The following PCDH15 variants were observed in gnomAD, a reference collection of about 807,000 sequenced individuals.
PCDH15 encodes protocadherin-15.
In PCDH15, 129 loss-of-function variants were observed where a neutral mutation model predicts 178.5. The ratio of observed to expected loss-of-function variants is 0.72; its 90% CI spans 0.63 to 0.84. The LOEUF (loss-of-function observed/expected upper bound fraction) is 0.84, where lower values mean the gene tolerates loss of function less well. PCDH15 is among the 40% of genes least tolerant of loss of function. PCDH15 has a pLI of 0.00. For synonymous variants in PCDH15, 800 were observed against 732.0 expected (o/e 1.09, Z -1.50); for missense variants, 2,230 against 2,099.9 (o/e 1.06, Z -1.21).
chr10:54,616,727 G>C (rs905603581), intron 2 of PCDH15, among the ~76,000 whole-genome samples: 1 of 152,038 alleles, frequency 6.6e-6, no homozygotes, highest in Non-Finnish European at 1.5e-5. Flanking sequence ...TGAGTACCTC[G>C]GAACTGGAAC....
chr10:54,130,675 C>T (rs2042363756), intron 15 of PCDH15, among the ~76,000 whole-genome samples: 1 of 151,924 alleles, frequency 6.6e-6, no homozygotes, highest in Non-Finnish European at 1.5e-5. Flanking sequence ...ACTTTGATCT[C>T]CATCAAAACA....
At chr10:54,740,686 A>T (rs1944678224) in intron 1 of PCDH15, among the ~76,000 whole-genome samples, 2 of 152,016 alleles carry the variant, frequency 1.3e-5, no homozygotes, top group Admixed American at 1.3e-4. Flanking sequence ...GCGTATTAAT[A>T]CATTAAAAAG....
At chr10:54,914,541 T>A (rs900411859) in intron 2 of PCDH15, among the ~76,000 whole-genome samples, 7 of 152,154 alleles carry the variant, frequency 4.6e-5, no homozygotes, top group African/African-American at 1.7e-4. Context: ...TGGTTTTCCA[T>A]GGAAACTCAA....
intron 23 of PCDH15, among the ~76,000 whole-genome samples, chr10:53,948,745 A>G: frequency 6.6e-6 from 1 of 152,198 alleles, no homozygotes; most frequent in South Asian, 2.1e-4. Flanking sequence ...GTTTAACACC[A>G]TTCAATGTCT....
At chr10:54,649,148 C>T (rs1170812439) in intron 2 of PCDH15, among the ~76,000 whole-genome samples, 5 of 152,016 alleles carry the variant, frequency 3.3e-5, no homozygotes, top group Non-Finnish European at 5.9e-5. Flanking sequence ...GATCCACTAG[C>T]GTTATAAACA....
chr10:55,192,856 A>C (rs968534501), intron 1 of PCDH15, among the ~76,000 whole-genome samples: 1 of 151,472 alleles, frequency 6.6e-6, no homozygotes, highest in East Asian at 1.9e-4. Flanking sequence ...TGTATAATGT[A>C]TTTTATGAGT....
chr10:54,385,038 G>T (rs1375763864), intron 3 of PCDH15, among the ~76,000 whole-genome samples: 1 of 152,026 alleles, frequency 6.6e-6, no homozygotes, highest in African/African-American at 2.4e-5. Flanking sequence ...TTGAGTTTCT[G>T]GTTGATCCAA....
chr10:54,432,248 C>A (rs1430602046), intron 3 of PCDH15, among the ~76,000 whole-genome samples: 1 of 150,712 alleles, frequency 6.6e-6, no homozygotes, highest in African/African-American at 2.4e-5. Context: ...CATAAAACAC[C>A]CAGAAGAACC....
chr10:55,446,879 A>G lies in PCDH15; in HGVS notation c.-156+180746T>C, dbSNP rs559194568. Among the ~76,000 whole-genome samples the G allele has an allele frequency of 2.2e-3, 333 of 152,236 alleles. 1 individual carries two copies. Among genetic ancestry groups the G allele is most frequent in the African/African-American group, 7.8e-3 (325 of 41,570 alleles). On this transcript the variant is annotated intron_variant, in intron 2 of 5. Transcript: ENST00000613346. ...CCACTCAGCTAAGACTTGTGAAGCA[A>G]TCAAACCACAGTAAGAAGCAGAAAA...
At chr10:54,407,002 C>T (rs1378849885) in intron 3 of PCDH15, among the ~76,000 whole-genome samples, 7 of 151,752 alleles carry the variant, frequency 4.6e-5, no homozygotes, top group East Asian at 3.9e-4. Context: ...ACTTGTATGC[C>T]AAATACACAA....
intron 2 of PCDH15, among the ~76,000 whole-genome samples, chr10:55,567,579 C>T (rs560623448): frequency 1.3e-5 from 2 of 151,670 alleles, no homozygotes; most frequent in Non-Finnish European, 2.9e-5. Flanking sequence ...CAGAGCACTC[C>T]TAAAGCTCAA....
chr10:54,303,467 C>T (rs2060271440), intron 8 of PCDH15, among the ~76,000 whole-genome samples: 1 of 151,814 alleles, frequency 6.6e-6, no homozygotes, highest in African/African-American at 2.4e-5. Context: ...CATTTCTCTG[C>T]AGATGTTAGT....
At chr10:55,374,310 G>T in intron 2 of PCDH15, among the ~76,000 whole-genome samples, 1 of 152,098 alleles carries the variant, frequency 6.6e-6, no homozygotes, top group East Asian at 1.9e-4. Context: ...CCTTGAGTCA[G>T]CTACTGGGAG....
At chr10:54,203,029 T>C (rs902992129) in intron 10 of PCDH15, among the ~76,000 whole-genome samples, 1 of 152,120 alleles carries the variant, frequency 6.6e-6, no homozygotes, top group African/African-American at 2.4e-5. Flanking sequence ...GTTAGGGCTA[T>C]TGGTTAGCCC....
intron 17 of PCDH15, among the ~76,000 whole-genome samples, chr10:54,074,178 C>G (rs1222717819): frequency 1.3e-5 from 2 of 152,180 alleles, no homozygotes; most frequent in Admixed American, 1.3e-4. Context: ...CACTGTCCAC[C>G]TCTAGATTTT....
chr10:54,414,964 A>G (rs1589279899), intron 3 of PCDH15, among the ~76,000 whole-genome samples: 2 of 152,250 alleles, frequency 1.3e-5, no homozygotes, highest in South Asian at 4.1e-4. Context: ...TAGAAAAAAA[A>G]TTGGTAAGTA....
chr10:54,167,627 C>A (rs1237311060), intron 13 of PCDH15, among the ~76,000 whole-genome samples: 1 of 151,792 alleles, frequency 6.6e-6, no homozygotes, highest in Non-Finnish European at 1.5e-5. Context: ...TTGTCTCTAA[C>A]CCTTCTCTGC....
At chr10:54,412,439 C>T (rs543543667) in intron 3 of PCDH15, among the ~76,000 whole-genome samples, 15 of 152,110 alleles carry the variant, frequency 9.9e-5, no homozygotes, top group African/African-American at 2.2e-4. Context: ...ATTAATACTC[C>T]GCAAAGTATT....
At chr10:54,189,589 T>C (rs1472743756) in intron 11 of PCDH15, among the ~76,000 whole-genome samples, 4 of 152,120 alleles carry the variant, frequency 2.6e-5, no homozygotes, top group South Asian at 4.1e-4. Context: ...TATGAGTATA[T>C]TGAATTAAAT....
Sources: gnomAD v4.1 joint callset for allele counts (sites outside exome capture counted in the v4.1 genomes callset) on GRCh38, gnomAD v4.1.1 for gene constraint, MANE v1.5 for transcripts, NCBI Gene and HGNC (gene_info 2026-07-23, HGNC 2026-07-21) for gene names.